The following KALRN variants were observed in gnomAD, a reference collection of about 807,000 sequenced individuals.
KALRN encodes kalirin.
In KALRN, 70 loss-of-function variants were observed where a neutral mutation model predicts 353.7. That is an observed-to-expected ratio of 0.20 (90% CI 0.16 to 0.24). The LOEUF (loss-of-function observed/expected upper bound fraction) is 0.24. Ranked by LOEUF, KALRN falls within the 10% of genes least tolerant of loss-of-function variation. KALRN has a pLI of 1.00. For missense variants in KALRN, 2,791 were observed against 3,756.7 expected (o/e 0.74, Z 6.72); for synonymous variants, 1,391 against 1,434.8 (o/e 0.97, Z 0.69).
intron 42 of KALRN, among the ~76,000 whole-genome samples, chr3:124,658,785 T>C (rs333300): frequency 0.48 from 73,274 of 152,002 alleles, 18,209 homozygotes; most frequent in Middle Eastern, 0.6. Flanking sequence ...AACACAGAGA[T>C]GGTTTGAGAA....
intron 1 of KALRN, among the ~76,000 whole-genome samples, chr3:124,062,356 G>C (rs1050191566): frequency 5.3e-5 from 8 of 152,148 alleles, no homozygotes; most frequent in African/African-American, 1.9e-4. Flanking sequence ...AGAGTTTATT[G>C]CTTCTATTTA....
At chr3:124,527,104 G>A (rs997689308) in intron 33 of KALRN, among the ~76,000 whole-genome samples, 4 of 152,242 alleles carry the variant, frequency 2.6e-5, no homozygotes, top group East Asian at 1.9e-4. Context: ...AGGAATGTAG[G>A]GAGTGCAGGA....
intron 3 of KALRN, among the ~76,000 whole-genome samples, chr3:124,246,134 AT>A (rs1198734679): frequency 6.6e-6 from 1 of 152,090 alleles, no homozygotes; most frequent in Non-Finnish European, 1.5e-5. Flanking sequence ...TGGTAGTTTT[AT>A]TTTTACTTTT....
At chr3:124,700,176 G>C in intron 56 of KALRN, 143 bp downstream of exon 56, 1 of 802,606 alleles carries the variant, frequency 1.2e-6, no homozygotes, top group Non-Finnish European at 2.0e-6. Context: ...TTTCTGTAAA[G>C]TATAGCTCCA....
rs767954772 is a variant in KALRN, at chr3:124,298,882, C to T, written c.1061C>T (p.Thr354Met). Residue 354 changes from threonine (T) to methionine (M), a missense_variant, in exon 6 of 60, where the codon ACG becomes ATG. Thr to Met is a moderately conservative substitution (Grantham distance 81, BLOSUM62 -1). Transcript: ENST00000682506. ...VSYQYALDLQTQHNHFAMNSM... is the reference protein window; with the variant it reads ...VSYQYALDLQMQHNHFAMNSM... ...TACCAGTACGCCCTTGACCTCCAGACGCAGCACAATCACTTTGCCATGAAC... is the reference window on the plus strand; with the variant it reads ...TACCAGTACGCCCTTGACCTCCAGATGCAGCACAATCACTTTGCCATGAAC... 39 of 1,614,064 alleles carry T rather than the reference C, an allele frequency of 2.4e-5. No individual in the cohort carries two copies. The highest frequency in any genetic ancestry group is 9.3e-5 in the African/African-American group (7 of 74,932).
At chr3:124,336,308 A>T (rs75824903) in intron 9 of KALRN, among the ~76,000 whole-genome samples, 3,029 of 152,228 alleles carry the variant, frequency 0.02, 81 homozygotes, top group African/African-American at 0.068. Context: ...TACTCCTGCC[A>T]TCTGGAGCTA....
intron 1 of KALRN, among the ~76,000 whole-genome samples, chr3:124,086,613 A>G (rs1360124379): frequency 6.6e-6 from 1 of 152,090 alleles, no homozygotes. Flanking sequence ...CATGGCAAAT[A>G]TTTACTTCCT....
intron 34 of KALRN, among the ~76,000 whole-genome samples, chr3:124,626,022 A>C (rs1459395005): frequency 6.6e-6 from 1 of 152,184 alleles, no homozygotes; most frequent in Non-Finnish European, 1.5e-5. Context: ...CAGAGGTTGC[A>C]GTGAGCTGAG....
chr3:124,257,677 G>A (rs1560381301), intron 3 of KALRN, among the ~76,000 whole-genome samples: 1 of 152,154 alleles, frequency 6.6e-6, no homozygotes, highest in East Asian at 1.9e-4. Flanking sequence ...GGCCTCAGGG[G>A]ACCCATGGCC....
chr3:124,582,322 A>C (rs1384460210), intron 34 of KALRN, among the ~76,000 whole-genome samples: 1 of 152,188 alleles, frequency 6.6e-6, no homozygotes, highest in Non-Finnish European at 1.5e-5. Flanking sequence ...CGCCCAGCCA[A>C]CATGAGCAAT....
At chr3:124,410,595 C>G (rs1214096025) in intron 13 of KALRN, among the ~76,000 whole-genome samples, 1 of 152,182 alleles carries the variant, frequency 6.6e-6, no homozygotes, top group Admixed American at 6.5e-5. Flanking sequence ...TGAAAATGTT[C>G]TCACCATCGT....
intron 45 of KALRN, among the ~76,000 whole-genome samples, chr3:124,664,369 G>GCGCA (rs1203269150): frequency 1.8e-5 from 2 of 111,466 alleles, no homozygotes; most frequent in Non-Finnish European, 3.6e-5. Context: ...GTGTGTGTGT[G>GCGCA]TGCGCGCGCG....
chr3:124,175,281 C>T (rs1249784029), intron 1 of KALRN, among the ~76,000 whole-genome samples: 1 of 152,244 alleles, frequency 6.6e-6, no homozygotes, highest in Non-Finnish European at 1.5e-5. Context: ...AGGCACCTAG[C>T]GCTGTGTGCA....
At chr3:124,245,216 A>G (rs1207257085) in intron 3 of KALRN, among the ~76,000 whole-genome samples, 1 of 152,132 alleles carries the variant, frequency 6.6e-6, no homozygotes, top group African/African-American at 2.4e-5. Flanking sequence ...TCTAGCTCCC[A>G]CATATGAGTG....
rs1028735366 is a variant in KALRN at position 124,334,938 on chromosome 3, G to T, written c.1647+443G>T. ...GCCTCCCAAGTAGCTGGGATTAACCGCATGTGCCATCACACCCAGCTAATT... is the reference window on the plus strand; with the variant it reads ...GCCTCCCAAGTAGCTGGGATTAACCTCATGTGCCATCACACCCAGCTAATT... On this transcript the variant is annotated intron_variant, in intron 9 of 59. Coordinates refer to ENST00000682506, the MANE Select transcript of KALRN (RefSeq NM_001388419.1). This position sits in a 1 kb window ranked among gnomAD's most constrained non-coding sequence, Gnocchi z 4.2. Among the ~76,000 whole-genome samples the T allele has an allele frequency of 6.6e-6, 1 of 152,166 alleles. No homozygotes were observed. The highest frequency in any genetic ancestry group is 1.5e-5 in the Non-Finnish European group (1 of 68,030).
intron 37 of KALRN, among the ~76,000 whole-genome samples, chr3:124,642,806 G>GTTTTTTTTTTTTTGTTGTTTT (rs2082213566): frequency 2.1e-5 from 2 of 96,840 alleles, no homozygotes; most frequent in African/African-American, 9.0e-5. Flanking sequence ...CCCAAGCCTC[G>GTTTTTTTTTTTTTGTTGTTTT]TTTTTTTTTT....
At position 124,144,683 on chromosome 3, in the gene KALRN, T is replaced by C. The variant is rs1399929374; in HGVS notation, c.74-83307T>C. On this transcript the variant is annotated intron_variant, in intron 1 of 59. Coordinates refer to ENST00000682506, the MANE Select transcript of KALRN (RefSeq NM_001388419.1). ...CTTCCTCTTCCTCATCCTCCTCCTC[T>C]TCCTCCTTCTGGTTGCCATTTCTCA... Among the ~76,000 whole-genome samples, 6 of 151,456 alleles carry C rather than the reference T, an allele frequency of 4.0e-5. No homozygotes were observed. The East Asian group carries it at 1.2e-3, about 30-fold the overall frequency.
intron 4 of KALRN, 109 bp downstream of exon 4, chr3:124,264,799 G>C: frequency 2.1e-6 from 2 of 965,072 alleles, no homozygotes; most frequent in Non-Finnish European, 1.6e-6. Flanking sequence ...ACACCTCAAG[G>C]GCTGAGATTT....
chr3:124,491,567 G>A (rs2063162957), intron 31 of KALRN, 143 bp downstream of exon 31: 2 of 488,332 alleles, frequency 4.1e-6, no homozygotes, highest in East Asian at 6.9e-5. Context: ...CGTGGGCATT[G>A]AGAAGCAAAT....
Sources: gnomAD v4.1 joint callset for allele counts (sites outside exome capture counted in the v4.1 genomes callset) on GRCh38, gnomAD v4.1.1 for gene constraint, Gnocchi (gnomAD v3.1) non-coding constraint, MANE v1.5 for transcripts, NCBI Gene and HGNC (gene_info 2026-07-23, HGNC 2026-07-21) for gene names.